The following FMNL2 variants were observed in gnomAD, a reference collection of about 807,000 sequenced individuals.
The protein encoded by FMNL2 is formin-like protein 2.
Under a neutral mutation model 130.2 loss-of-function variants are expected in FMNL2, and 51 were observed. The observed-to-expected ratio is 0.39, with a 90% CI of 0.31 to 0.49. The LOEUF is 0.49. Ranked by LOEUF, FMNL2 falls within the 20% of genes least tolerant of loss-of-function variation. The pLI, the probability that FMNL2 is intolerant of heterozygous loss-of-function variation, is 0.85. For synonymous variants in FMNL2, 465 were observed against 467.1 expected, an observed-to-expected ratio of 1.00 and a Z score of 0.06; for missense variants, 977 against 1,316.2, an observed-to-expected ratio of 0.74 and a Z score of 3.99.
At chr2:152,408,248 A>T (rs905069173) in intron 1 of FMNL2, among the ~76,000 whole-genome samples, 8 of 152,096 alleles carry the variant, frequency 5.3e-5, no homozygotes, top group East Asian at 1.9e-4. Context: ...GAACTTTTTT[A>T]AAAAAAACAC....
chr2:152,382,153 A>G (rs1287539503), intron 1 of FMNL2, among the ~76,000 whole-genome samples: 1 of 152,200 alleles, frequency 6.6e-6, no homozygotes, highest in Non-Finnish European at 1.5e-5. Context: ...GAAGCACTTA[A>G]TAGGAGGTAA....
chr2:152,484,855 G>T (rs1430165684), intron 1 of FMNL2, among the ~76,000 whole-genome samples: 1 of 152,190 alleles, frequency 6.6e-6, no homozygotes, highest in Non-Finnish European at 1.5e-5. Flanking sequence ...AAGAATAAAA[G>T]ATGCTCTTAG....
chr2:152,449,210 C>T (rs1688509317), intron 1 of FMNL2, among the ~76,000 whole-genome samples: 1 of 152,188 alleles, frequency 6.6e-6, no homozygotes, highest in Middle Eastern at 3.2e-3. Flanking sequence ...TCTTTAGTTT[C>T]TCTTTCCGGA....
At chr2:152,368,073 G>A (rs2105847107) in intron 1 of FMNL2, among the ~76,000 whole-genome samples, 1 of 152,236 alleles carries the variant, frequency 6.6e-6, no homozygotes, top group South Asian at 2.1e-4. Flanking sequence ...CAGGAACATG[G>A]CCTCTCAGAG....
At chr2:152,646,594 G>A (rs577601441) in intron 25 of FMNL2, among the ~76,000 whole-genome samples, 5 of 145,698 alleles carry the variant, frequency 3.4e-5, no homozygotes, top group Admixed American at 2.0e-4. Flanking sequence ...GGGGGTGGGG[G>A]GGCACAGTGG....
rs1424425971 is a variant in FMNL2, at chr2:152,338,852, CAT to C, written c.117+3137_117+3138del. Among the ~76,000 whole-genome samples the C allele has an allele frequency of 3.1e-3, 433 of 140,086 alleles. 2 individuals carry two copies. The highest frequency in any genetic ancestry group is 0.011 in the African/African-American group (415 of 38,620). 91.9% of individuals were successfully genotyped at this position (140,086 alleles called of 152,430 possible). A position where few individuals can be genotyped will look rare whatever the true frequency, so the allele number is the denominator to read the frequency against. On this transcript the variant is annotated intron_variant, in intron 1 of 25. Coordinates refer to ENST00000288670, the MANE Select transcript of FMNL2 (RefSeq NM_052905.4). ...ACACACACACACACACACACACACA[CAT>C]ATATGCATATGCCTTTGTGTGTGTG... is the stretch of plus-strand genomic sequence containing the variant.
chr2:152,486,612 T>TAA (rs1690842464), intron 1 of FMNL2, among the ~76,000 whole-genome samples: 1 of 152,240 alleles, frequency 6.6e-6, no homozygotes, highest in East Asian at 1.9e-4. Flanking sequence ...GAAAATAAGT[T>TAA]AATGTTTCAT....
intron 1 of FMNL2, among the ~76,000 whole-genome samples, chr2:152,340,654 C>T (rs1269781109): frequency 6.6e-6 from 1 of 152,124 alleles, no homozygotes; most frequent in Non-Finnish European, 1.5e-5. Flanking sequence ...AAATGCGAAA[C>T]CTGTGAAAAG....
At chr2:152,508,913 A>G (rs1311791313) in intron 1 of FMNL2, among the ~76,000 whole-genome samples, 1 of 152,092 alleles carries the variant, frequency 6.6e-6, no homozygotes, top group Non-Finnish European at 1.5e-5. Context: ...AACCAAGTCC[A>G]GCACTTAAAA....
rs34091948 is a variant in FMNL2, at chr2:152,378,986, C to CA, written c.117+43292dup. Among the ~76,000 whole-genome samples the CA allele has an allele frequency of 6.4e-3, 269 of 41,988 alleles. 80 individuals carry two copies. Among genetic ancestry groups the CA allele is most frequent in the South Asian group, 0.016 (11 of 672 alleles). 27.5% of individuals were successfully genotyped at this position (41,988 alleles called of 152,430 possible). A position where few individuals can be genotyped will look rare whatever the true frequency, so the allele number is the denominator to read the frequency against. ...AGAGAAGGACTGAATAGACCAGCTG[C>CA]AAAAAAAAAAAAAAAAAAAAAAAAA... is the stretch of plus-strand genomic sequence containing the variant. On this transcript the variant is annotated intron_variant, in intron 1 of 25. Transcript: ENST00000288670.
chr2:152,389,403 A>G (rs905348979), intron 1 of FMNL2, among the ~76,000 whole-genome samples: 1 of 152,184 alleles, frequency 6.6e-6, no homozygotes, highest in Non-Finnish European at 1.5e-5. Context: ...CTCCGCCTTC[A>G]TGATCTAATC....
rs75905493 is a variant in FMNL2 at position 152,551,841 on chromosome 2, C to A, written c.359+2744C>A. Among the ~76,000 whole-genome samples, 43 of 152,270 alleles carry A rather than the reference C, an allele frequency of 2.8e-4. No homozygotes were observed. The East Asian group carries it at 6.4e-3, about 23-fold the overall frequency. On this transcript the variant is annotated intron_variant, in intron 4 of 25. Coordinates refer to ENST00000288670, the MANE Select transcript of FMNL2 (RefSeq NM_052905.4). ...GACCAGCTTGGGTAACATAGTGAGACCTTGTGTCTACAAAAAAATAAAATA... is the reference window on the plus strand; with the variant it reads ...GACCAGCTTGGGTAACATAGTGAGAACTTGTGTCTACAAAAAAATAAAATA...
At chr2:152,621,125 C>G (rs1450420742) in intron 15 of FMNL2, 3 of 985,424 alleles carry the variant, frequency 3.0e-6, no homozygotes, top group East Asian at 1.1e-4. Context: ...CATTATCGTC[C>G]CGTGCACCTG....
chr2:152,603,012 C>T (rs1395288035), intron 9 of FMNL2, among the ~76,000 whole-genome samples: 1 of 152,206 alleles, frequency 6.6e-6, no homozygotes, highest in Non-Finnish European at 1.5e-5. Context: ...CCAACCTTCC[C>T]CAAACATATC....
At chr2:152,612,519 C>A (rs750449937) in intron 11 of FMNL2, among the ~76,000 whole-genome samples, 8 of 152,204 alleles carry the variant, frequency 5.3e-5, no homozygotes, top group Non-Finnish European at 1.2e-4. Context: ...GACCCTGTGT[C>A]TAAAACGGAA....
intron 4 of FMNL2, among the ~76,000 whole-genome samples, chr2:152,552,891 G>C (rs1695013320): frequency 6.6e-6 from 1 of 152,202 alleles, no homozygotes; most frequent in Non-Finnish European, 1.5e-5. Context: ...TGTGTACACT[G>C]TCTCTCCTTG....
chr2:152,484,964 C>T (rs1029668310), intron 1 of FMNL2, among the ~76,000 whole-genome samples: 27 of 152,128 alleles, frequency 1.8e-4, no homozygotes, highest in Admixed American at 5.2e-4. Flanking sequence ...GTATATGAGA[C>T]GTGGTCATTT....
rs1177965681 is a variant in FMNL2 at position 152,568,218 on chromosome 2, G to GTTTTTTTTTTTTTTTTTTTTTTTT, written c.597-6903_597-6902insTTTTTTTTTTTTTTTTTTTTTTTT. On this transcript the variant is annotated intron_variant, in intron 6 of 25. Coordinates refer to ENST00000288670, the MANE Select transcript of FMNL2 (RefSeq NM_052905.4). The stretch of plus-strand genomic sequence containing the variant: ...TGAGCAACGGCTTCCATTTTGGTGG[G>GTTTTTTTTTTTTTTTTTTTTTTTT]TTTTTTTTTTTTTTTGAGACGGAGT... Among the ~76,000 whole-genome samples, 114 of 34,838 alleles carry GTTTTTTTTTTTTTTTTTTTTTTTT rather than the reference G, an allele frequency of 3.3e-3. 3 individuals carry two copies. The highest frequency in any genetic ancestry group is 9.3e-3 in the African/African-American group (111 of 11,876). The allele number at this position is 34,838 out of a possible 152,430, so 22.9% of individuals were successfully genotyped here. A position where few individuals can be genotyped will look rare whatever the true frequency, so the allele number is the denominator to read the frequency against.
intron 1 of FMNL2, among the ~76,000 whole-genome samples, chr2:152,392,484 C>T (rs777147908): frequency 3.9e-5 from 6 of 152,184 alleles, no homozygotes; most frequent in South Asian, 2.1e-4. Context: ...TATTTCTCAC[C>T]GTTCTGGAGG....
Sources: allele counts gnomAD v4.1 joint callset (sites outside exome capture counted in the v4.1 genomes callset), GRCh38; gene constraint gnomAD v4.1.1; transcripts MANE v1.5; gene names NCBI Gene and HGNC (gene_info 2026-07-23, HGNC 2026-07-21).